Variants in VCPIP1 observed in about 807,000 individuals in gnomAD.
The protein encoded by VCPIP1 is deubiquitinating protein VCPIP1.
In VCPIP1, 8 loss-of-function variants were observed where a neutral mutation model predicts 85.0. That is an observed-to-expected ratio of 0.09 (90% CI 0.06 to 0.17). The LOEUF (loss-of-function observed/expected upper bound fraction) is 0.17. Among genes scored for constraint, VCPIP1 ranks in the 10% least tolerant of loss-of-function variants. The pLI is 1.00. For missense variants in VCPIP1, 1,070 were observed against 1,486.3 expected, an observed-to-expected ratio of 0.72 and a Z score of 4.61; for synonymous variants, 543 against 544.5, an observed-to-expected ratio of 1.00 and a Z score of 0.04.
At position 66,665,980 on chromosome 8, in the gene VCPIP1, T is replaced by C; in HGVS notation, c.979A>G (p.Ile327Val). 6.2e-7 allele frequency: 1 copy of C among 1,614,172 alleles called. No homozygotes were observed. Among genetic ancestry groups the C allele is most frequent in the Non-Finnish European group, 8.5e-7 (1 of 1,179,992 alleles). ...DYSATFLPGL[I>V]PAEKCTGKDG... Reference sequence around the variant, plus strand: ...TTCCCAGTGCACTTCTCTGCAGGGATGAGCCCAGGTAGAAAGGTGGCTGAA... The same window carrying C: ...TTCCCAGTGCACTTCTCTGCAGGGACGAGCCCAGGTAGAAAGGTGGCTGAA... The change falls in exon 1 of 3, where the codon ATC (isoleucine) becomes GTC (valine). Residue 327 changes from isoleucine (I) to valine (V), a missense_variant. Ile to Val is a conservative substitution (Grantham distance 29). This residue lies in a region of VCPIP1 where 118 missense variants were observed against 337.1 expected (regional missense o/e 0.35). Coordinates refer to ENST00000310421, the MANE Select transcript of VCPIP1 (RefSeq NM_025054.5). This position sits in a 1 kb window ranked among gnomAD's most constrained non-coding sequence, Gnocchi z 4.3.
At chr8:66,647,347 A>G (rs1205841304) in intron 2 of VCPIP1, among the ~76,000 whole-genome samples, 4 of 151,990 alleles carry the variant, frequency 2.6e-5, no homozygotes, top group Non-Finnish European at 1.5e-5. Flanking sequence ...TCTCAAAAAC[A>G]TAAGTAAGTA....
In VCPIP1 at chr8:66,647,769, T is replaced by A. The variant is rs559500559; in HGVS notation, c.2797+3689A>T. 5.3e-5 allele frequency among the ~76,000 whole-genome samples: 8 copies of A among 152,098 alleles called. No individual in the cohort carries two copies. The South Asian group carries it at 1.7e-3, about 31-fold the overall frequency. On this transcript the variant is annotated intron_variant, in intron 2 of 2. Transcript: ENST00000310421. ...TGGTGCTGGAACAACTGGTCATCCA[T>A]ACATTAAAAAATGAACCTTAACTCA... is the stretch of plus-strand genomic sequence containing the variant.
rs955314743 is a variant in VCPIP1, at chr8:66,632,876, G to A, written c.*1625C>T. The stretch of plus-strand genomic sequence containing the variant: ...AAATTTCCTGCTGTTTTGATAGGGA[G>A]AAAATTTAGGATGAAGATAAAATAT... On this transcript the variant is annotated 3_prime_UTR_variant, in exon 3 of 3. Coordinates refer to ENST00000310421, the MANE Select transcript of VCPIP1 (RefSeq NM_025054.5). 2.6e-5 allele frequency: 4 copies of A among 152,066 alleles called. No homozygotes were observed. The highest frequency in any genetic ancestry group is 6.5e-5 in the Admixed American group (1 of 15,268). The allele number at this position is 152,066 out of a possible 1,614,324, so 9.4% of individuals were successfully genotyped here.
rs189929798 is a variant in VCPIP1 at position 66,633,735 on chromosome 8, C to T, written c.*766G>A. 34 of 151,770 alleles carry T rather than the reference C, an allele frequency of 2.2e-4. No individual in the cohort carries two copies. The highest frequency in any genetic ancestry group is 9.8e-4 in the Admixed American group (15 of 15,246). 9.4% of individuals were successfully genotyped at this position (151,770 alleles called of 1,614,324 possible). A position where few individuals can be genotyped will look rare whatever the true frequency, so the allele number is the denominator to read the frequency against. On this transcript the variant is annotated 3_prime_UTR_variant, in exon 3 of 3. Coordinates refer to ENST00000310421, the MANE Select transcript of VCPIP1 (RefSeq NM_025054.5). ...TTTTTCTACCACACTTTGCAATCAACTTTTCTGCAAGATTAAAAAAAAAAA... is the reference window on the plus strand; with the variant it reads ...TTTTTCTACCACACTTTGCAATCAATTTTTCTGCAAGATTAAAAAAAAAAA...
At chr8:66,658,884 C>T (rs978042577) in intron 1 of VCPIP1, among the ~76,000 whole-genome samples, 6 of 152,090 alleles carry the variant, frequency 3.9e-5, no homozygotes, top group African/African-American at 7.2e-5. Context: ...AAAAGCCACA[C>T]AATTCTTTCA....
Position 66,634,548 on chromosome 8 carries a change from G to C in VCPIP1, c.3622C>G (p.Gln1208Glu). ...GTTGTGTTAGTCATCTCAGCATCTTGACTATCCATCTCTTCAAGCTCCTCC... is the reference window on the plus strand; with the variant it reads ...GTTGTGTTAGTCATCTCAGCATCTTCACTATCCATCTCTTCAAGCTCCTCC... The part of the protein sequence containing the change: ...SVEELEEMDS[Q>E]DAEMTNTTEP... Residue 1208 changes from glutamine (Q) to glutamate (E), a missense_variant, in exon 3 of 3, where the codon CAA (glutamine) becomes GAA (glutamate). Coordinates refer to ENST00000310421, the MANE Select transcript of VCPIP1 (RefSeq NM_025054.5). The C allele has an allele frequency of 6.2e-7, 1 of 1,613,062 alleles. No individual in the cohort carries two copies. The highest frequency in any genetic ancestry group is 1.7e-4 in the Middle Eastern group (1 of 6,058).
chr8:66,662,208 A>G (rs1811164717), intron 1 of VCPIP1, among the ~76,000 whole-genome samples: 1 of 152,206 alleles, frequency 6.6e-6, no homozygotes, highest in Non-Finnish European at 1.5e-5. Flanking sequence ...AGGAAGCTAA[A>G]TAAGTGTTAC....
At chr8:66,651,758 T>C (rs1586626650) in intron 1 of VCPIP1, among the ~76,000 whole-genome samples, 1 of 152,184 alleles carries the variant, frequency 6.6e-6, no homozygotes, top group African/African-American at 2.4e-5. Context: ...TGCCAAGTGC[T>C]GTCATGGAAG....
chr8:66,638,224 C>T (rs1198503789), intron 2 of VCPIP1, among the ~76,000 whole-genome samples: 1 of 152,170 alleles, frequency 6.6e-6, no homozygotes, highest in Non-Finnish European at 1.5e-5. Context: ...AGGTTTGGGG[C>T]TCATGCCTGT....
chr8:66,655,274 A>T (rs1445408561), intron 1 of VCPIP1, among the ~76,000 whole-genome samples: 2 of 152,212 alleles, frequency 1.3e-5, no homozygotes, highest in Admixed American at 6.5e-5. Flanking sequence ...CAACACTCAT[A>T]GTATTGGTTG....
chr8:66,653,758 T>C (rs1045710141), intron 1 of VCPIP1, among the ~76,000 whole-genome samples: 2 of 152,184 alleles, frequency 1.3e-5, no homozygotes, highest in Non-Finnish European at 2.9e-5. Flanking sequence ...TATCTCCCCC[T>C]AAGGAGCCTT....
chr8:66,632,175 T>C lies in VCPIP1; in HGVS notation c.*2326A>G, dbSNP rs578166910. 3 of 152,148 alleles carry C rather than the reference T, an allele frequency of 2.0e-5. No individual in the cohort carries two copies. The allele number at this position is 152,148 out of a possible 1,614,324, so 9.4% of individuals were successfully genotyped here. On this transcript the variant is annotated 3_prime_UTR_variant, in exon 3 of 3. Coordinates refer to ENST00000310421, the MANE Select transcript of VCPIP1 (RefSeq NM_025054.5). ...AAAATAACCATGCTATAGTCATGTA[T>C]TTGGTTATGAAAACCATATGGAAAG...
intron 2 of VCPIP1, among the ~76,000 whole-genome samples, chr8:66,646,756 CACTCCATCCAACCTGGGTGACGGAGTGAG>C (rs1810999418): frequency 2.0e-5 from 3 of 151,674 alleles, no homozygotes; most frequent in Admixed American, 2.0e-4. Flanking sequence ...CAAGATCGTG[CACTCCATCCAACCTGGGTGACGGAGTGAG>C]ACTCCATCTC....
intron 2 of VCPIP1, among the ~76,000 whole-genome samples, chr8:66,649,797 G>A (rs1283279756): frequency 6.6e-6 from 1 of 151,992 alleles, no homozygotes; most frequent in African/African-American, 2.4e-5. Flanking sequence ...ATATATGTTT[G>A]TCAAAATTCA....
At chr8:66,654,923 C>T (rs1322725952) in intron 1 of VCPIP1, among the ~76,000 whole-genome samples, 1 of 152,226 alleles carries the variant, frequency 6.6e-6, no homozygotes, top group Admixed American at 6.5e-5. Flanking sequence ...TTGGACCTTG[C>T]CTTTCCCATC....
Position 66,634,213 on chromosome 8 carries a change from CT to C in VCPIP1, c.*287del, listed in dbSNP as rs954907227. The C allele has an allele frequency of 3.8e-6, 1 of 260,428 alleles. No homozygotes were observed. The highest frequency in any genetic ancestry group is 7.2e-6 in the Non-Finnish European group (1 of 139,034). The allele number at this position is 260,428 out of a possible 1,614,324, so 16.1% of individuals were successfully genotyped here. A position where few individuals can be genotyped will look rare whatever the true frequency, so the allele number is the denominator to read the frequency against. The stretch of plus-strand genomic sequence containing the variant: ...AATTTTCATGTTGGAAACATTAAGA[CT>C]TTCATGGAATTAAAATTACAAAGAA... On this transcript the variant is annotated 3_prime_UTR_variant, in exon 3 of 3. Coordinates refer to ENST00000310421, the MANE Select transcript of VCPIP1 (RefSeq NM_025054.5).
Position 66,664,791 on chromosome 8 carries a change from T to A in VCPIP1, c.2168A>T (p.Gln723Leu). 6.2e-7 allele frequency: 1 copy of A among 1,612,312 alleles called. No homozygotes were observed. Among genetic ancestry groups the A allele is most frequent in the Non-Finnish European group, 8.5e-7 (1 of 1,179,460 alleles). The stretch of plus-strand genomic sequence containing the variant: ...TTTCCGTTTCTGCATTACAGAAGCC[T>A]GTTCCGTAATATTCTGTTGAATAGT... ...ERTIQQNITE[Q>L]ASVMQKRKTE... Residue 723 changes from glutamine to leucine, a missense_variant, in exon 1 of 3, where the codon CAG becomes CTG. Gln to Leu is a moderately radical substitution (Grantham distance 113). Transcript: ENST00000310421.
In VCPIP1 at chr8:66,634,985, T is replaced by C. The variant is rs1810870410; in HGVS notation, c.3185A>G (p.Asn1062Ser). 6.2e-7 allele frequency: 1 copy of C among 1,613,536 alleles called. No individual in the cohort carries two copies. Among genetic ancestry groups the C allele is most frequent in the South Asian group, 1.1e-5 (1 of 91,050 alleles). The change falls in exon 3 of 3, where the codon AAT becomes AGT. Residue 1062 changes from asparagine (N) to serine (S), a missense_variant. By Grantham distance (46) the Asn-to-Ser change is conservative. This residue lies in a region of VCPIP1 where 255 missense variants were observed against 289.5 expected (regional missense o/e 0.88). Coordinates refer to ENST00000310421, the MANE Select transcript of VCPIP1 (RefSeq NM_025054.5). ...RKHNTGTDFSNSSTKTEPSVF... is the reference protein window; with the variant it reads ...RKHNTGTDFSSSSTKTEPSVF... ...AGAAGGCTCTGTTTTAGTGGAACTA[T>C]TACTAAAGTCTGTCCCTGTATTATG... is the stretch of plus-strand genomic sequence containing the variant.
chr8:66,657,986 A>G (rs1811116215), intron 1 of VCPIP1, among the ~76,000 whole-genome samples: 1 of 152,180 alleles, frequency 6.6e-6, no homozygotes, highest in Admixed American at 6.5e-5. Flanking sequence ...CTGCTCTCCC[A>G]TTACAAGTAT....
Sources: gnomAD v4.1 joint callset for allele counts (sites outside exome capture counted in the v4.1 genomes callset) on GRCh38, gnomAD v4.1.1 for gene constraint, gnomAD v4.1.1 regional missense constraint, Gnocchi (gnomAD v3.1) non-coding constraint, MANE v1.5 for transcripts, NCBI Gene and HGNC (gene_info 2026-07-23, HGNC 2026-07-21) for gene names.